GPBP1: variants seen among roughly 807,000 people sequenced by gnomAD.
GPBP1 encodes vasculin.
Under a neutral mutation model 56.5 loss-of-function variants are expected in GPBP1, and 13 were observed. The observed-to-expected ratio is 0.23, with a 90% CI of 0.15 to 0.37. GPBP1 has a LOEUF of 0.37. Ranked by LOEUF, GPBP1 falls within the 10% of genes least tolerant of loss-of-function variation. The pLI, the probability that GPBP1 is intolerant of heterozygous loss-of-function variation, is 1.00. For missense variants in GPBP1, 477 were observed against 572.3 expected (o/e 0.83, Z 1.70); for synonymous variants, 204 against 188.9 (o/e 1.08, Z -0.66).
rs546747689 is a variant in GPBP1 at position 57,240,909 on chromosome 5, G to A, written c.478+4877G>A. On this transcript the variant is annotated intron_variant, in intron 6 of 11. Coordinates refer to ENST00000506184, the MANE Select transcript of GPBP1 (RefSeq NM_022913.4). Reference sequence around the variant, plus strand: ...GGAGGTTGTGGTGAGCTGAAATCGCGCCATTGCACTCCAGCCTGGGCAACA... The same window carrying A: ...GGAGGTTGTGGTGAGCTGAAATCGCACCATTGCACTCCAGCCTGGGCAACA... 2.3e-4 allele frequency among the ~76,000 whole-genome samples: 35 copies of A among 151,498 alleles called. No homozygotes were observed. In the South Asian group the frequency reaches 6.3e-3, roughly 27 times the overall value.
chr5:57,262,902 G>T lies in GPBP1; in HGVS notation c.*150G>T. 2 of 628,828 alleles carry T rather than the reference G, an allele frequency of 3.2e-6. No homozygotes were observed. Among genetic ancestry groups the T allele is most frequent in the Non-Finnish European group, 5.5e-6 (2 of 366,940 alleles). 39.0% of individuals were successfully genotyped at this position (628,828 alleles called of 1,614,324 possible). A position where few individuals can be genotyped will look rare whatever the true frequency, so the allele number is the denominator to read the frequency against. ...GGGACTTCAATATGAAGAAAACCAA[G>T]AATGTTTTGTTGGGCTGTGTTGAAC... On this transcript the variant is annotated 3_prime_UTR_variant, in exon 12 of 12. Transcript: ENST00000506184.
intron 6 of GPBP1, among the ~76,000 whole-genome samples, chr5:57,238,514 C>T (rs1482404284): frequency 6.6e-6 from 1 of 151,966 alleles, no homozygotes; most frequent in East Asian, 1.9e-4. Flanking sequence ...GCCGAGGTCG[C>T]ACCATTGCAC....
chr5:57,197,727 G>A (rs980863505), intron 2 of GPBP1, among the ~76,000 whole-genome samples: 1 of 151,720 alleles, frequency 6.6e-6, no homozygotes, highest in African/African-American at 2.4e-5. Flanking sequence ...TTTCTTTCTA[G>A]AAGTTGTTCT....
intron 1 of GPBP1, 66 bp from the exon 2 acceptor site, chr5:57,175,382 T>G (rs1753755031): frequency 2.5e-6 from 1 of 397,022 alleles, no homozygotes; most frequent in Non-Finnish European, 4.4e-6. Flanking sequence ...ACTTTTTAAG[T>G]TGGGGATTGA....
At chr5:57,174,536 TC>T (rs926680606) in intron 1 of GPBP1, among the ~76,000 whole-genome samples, 1 of 151,998 alleles carries the variant, frequency 6.6e-6, no homozygotes, top group African/African-American at 2.4e-5. Context: ...CGGCCTTCCT[TC>T]CCCCGGCCTC....
intron 6 of GPBP1, chr5:57,237,628 C>T (rs1164915199): frequency 6.2e-6 from 1 of 161,050 alleles, no homozygotes; most frequent in African/African-American, 2.4e-5. Flanking sequence ...CCCAGTACTT[C>T]CCATAGGAAT....
At chr5:57,185,114 C>T (rs766325393) in intron 2 of GPBP1, among the ~76,000 whole-genome samples, 6 of 152,134 alleles carry the variant, frequency 3.9e-5, no homozygotes, top group Admixed American at 1.3e-4. Flanking sequence ...TTGGTGTGGA[C>T]TTAAGTTTTC....
intron 2 of GPBP1, among the ~76,000 whole-genome samples, chr5:57,189,678 A>G (rs185489091): frequency 6.6e-6 from 1 of 152,214 alleles, no homozygotes; most frequent in East Asian, 1.9e-4. Context: ...TTGTGTCATT[A>G]TTGTGCTTAA....
At chr5:57,226,838 C>G (rs1200189873) in intron 3 of GPBP1, among the ~76,000 whole-genome samples, 1 of 143,562 alleles carries the variant, frequency 7.0e-6, no homozygotes, top group Non-Finnish European at 1.5e-5. Flanking sequence ...CTCCTGAGTT[C>G]ATGCCATTCT....
intron 2 of GPBP1, among the ~76,000 whole-genome samples, chr5:57,192,568 A>T (rs955868717): frequency 6.6e-6 from 1 of 152,000 alleles, no homozygotes; most frequent in Admixed American, 6.6e-5. Flanking sequence ...AGCCTGACCA[A>T]CATGGAGAAA....
chr5:57,203,233 G>C (rs779771586), intron 2 of GPBP1, among the ~76,000 whole-genome samples: 2 of 152,048 alleles, frequency 1.3e-5, no homozygotes, highest in Non-Finnish European at 2.9e-5. Flanking sequence ...TTATGTATAT[G>C]TATGTATGTA....
At chr5:57,229,923 A>G (rs1756367367) in intron 3 of GPBP1, among the ~76,000 whole-genome samples, 1 of 128,994 alleles carries the variant, frequency 7.8e-6, no homozygotes. Context: ...TTCCCTTCCC[A>G]TCCCGTTGCA....
At chr5:57,178,545 CTTG>C (rs1753899587) in intron 2 of GPBP1, among the ~76,000 whole-genome samples, 1 of 152,178 alleles carries the variant, frequency 6.6e-6, no homozygotes, top group Admixed American at 6.6e-5. Context: ...TGCGTCCAGC[CTTG>C]TTTTCTTCTA....
chr5:57,231,358 T>C (rs572433954), intron 5 of GPBP1, 37 bp downstream of exon 5: 31 of 1,524,390 alleles, frequency 2.0e-5, no homozygotes, highest in African/African-American at 4.2e-5. Flanking sequence ...ATGAAGTTTC[T>C]GTAAGTGCTA....
intron 10 of GPBP1, 59 bp from the exon 11 acceptor site, chr5:57,261,121 A>G: frequency 9.6e-7 from 1 of 1,038,454 alleles, no homozygotes; most frequent in Non-Finnish European, 1.5e-6. Context: ...CATAATGTAA[A>G]TGATACTGTC....
chr5:57,194,515 T>G (rs1374801905), intron 2 of GPBP1, among the ~76,000 whole-genome samples: 6 of 152,226 alleles, frequency 3.9e-5, no homozygotes, highest in African/African-American at 2.4e-5. Context: ...GCATTCATAA[T>G]TTTCTATATT....
intron 3 of GPBP1, among the ~76,000 whole-genome samples, chr5:57,222,116 T>A (rs1254150019): frequency 6.6e-6 from 1 of 152,152 alleles, no homozygotes; most frequent in Non-Finnish European, 1.5e-5. Context: ...GTGCTGGGAT[T>A]ATAGGCTTGA....
intron 2 of GPBP1, among the ~76,000 whole-genome samples, chr5:57,182,844 C>T (rs1006947613): frequency 5.9e-5 from 9 of 152,086 alleles, no homozygotes; most frequent in Non-Finnish European, 7.4e-5. Context: ...TCACCATGCT[C>T]GGCTAATTTT....
rs1216294362 is a variant in GPBP1 at position 57,263,694 on chromosome 5, A to C, written c.*942A>C. On this transcript the variant is annotated 3_prime_UTR_variant, in exon 12 of 12. Transcript: ENST00000506184. ...TACTTTTAAAAGTAATACCTTACTAAAGATGGTGATTACTTTTCCGAGGTC... is the reference window on the plus strand; with the variant it reads ...TACTTTTAAAAGTAATACCTTACTACAGATGGTGATTACTTTTCCGAGGTC... 6.6e-6 allele frequency: 1 copy of C among 152,162 alleles called. No individual in the cohort carries two copies. Among genetic ancestry groups the C allele is most frequent in the Non-Finnish European group, 1.5e-5 (1 of 68,010 alleles). The allele number at this position is 152,162 out of a possible 1,614,324, so 9.4% of individuals were successfully genotyped here. A position where few individuals can be genotyped will look rare whatever the true frequency, so the allele number is the denominator to read the frequency against.
Sources: gnomAD v4.1 joint callset for allele counts (sites outside exome capture counted in the v4.1 genomes callset) on GRCh38, gnomAD v4.1.1 for gene constraint, MANE v1.5 for transcripts, NCBI Gene and HGNC (gene_info 2026-07-23, HGNC 2026-07-21) for gene names.